The following SCML1 variants were observed in gnomAD, a reference collection of about 807,000 sequenced individuals.
SCML1 encodes Scm polycomb group protein like 1, also known as sex comb on midleg-like protein 1.
For synonymous variants in SCML1, 104 were observed against 103.6 expected (o/e 1.00, Z -0.02); for missense variants, 137 against 258.1 (o/e 0.53, Z 3.22).
chrX:17,748,277 C>T (rs1469798714), intron 4 of SCML1, among the ~76,000 whole-genome samples: 1 of 111,827 alleles, frequency 8.9e-6, no homozygotes, highest in African/African-American at 3.3e-5. Flanking sequence ...AGTCATGGCT[C>T]ACTGCAGCCA....
intron 6 of SCML1, among the ~76,000 whole-genome samples, chrX:17,751,377 A>G (rs754585093): frequency 8.0e-5 from 9 of 112,391 alleles, no homozygotes; most frequent in Non-Finnish European, 1.7e-4. Context: ...AATTTCCATT[A>G]TATTTTGCTA....
chrX:17,737,201 G>T (rs2066541690), upstream of SCML1, among the ~76,000 whole-genome samples: 1 of 108,622 alleles, frequency 9.2e-6, no homozygotes, highest in Admixed American at 9.7e-5. Context: ...AAAACCTGAG[G>T]TAAGAGGCCC....
intron 1 of SCML1, among the ~76,000 whole-genome samples, chrX:17,742,602 GGAA>G (rs943724724): frequency 1.1e-4 from 12 of 111,952 alleles, no homozygotes; most frequent in African/African-American, 3.9e-4. Context: ...CTCCTTAGTG[GGAA>G]GAAGTAGAGG....
chrX:17,744,096 G>A lies in SCML1; in HGVS notation c.-91G>A, dbSNP rs1203376987. 4 of 779,575 alleles carry A rather than the reference G, an allele frequency of 5.1e-6. No individual in the cohort carries two copies. In the Admixed American group the frequency reaches 7.3e-5, roughly 14 times the overall value. 64.2% of individuals were successfully genotyped at this position (779,575 alleles called of 1,213,427 possible). A position where few individuals can be genotyped will look rare whatever the true frequency, so the allele number is the denominator to read the frequency against. On this transcript the variant is annotated 5_prime_UTR_variant, in exon 2 of 8. Coordinates refer to ENST00000380041, the MANE Select transcript of SCML1 (RefSeq NM_001037540.3). ...GAGTAGAGGTTTACCACTCTTAGGT[G>A]ACTAAGCAGTATCACAAATAAACCC...
chrX:17,737,910 T>C (rs1251653463), intron 1 of SCML1: 1 of 112,007 alleles, frequency 8.9e-6, no homozygotes, highest in African/African-American at 3.3e-5. Context: ...TTTGACAATT[T>C]GTGAAGTGCT....
intron 6 of SCML1, among the ~76,000 whole-genome samples, chrX:17,751,539 T>G (rs1458637286): frequency 1.8e-5 from 2 of 112,296 alleles, no homozygotes; most frequent in African/African-American, 3.2e-5. Flanking sequence ...GTTTACTTAG[T>G]CTGTTTTGTG....
intron 4 of SCML1, among the ~76,000 whole-genome samples, chrX:17,747,247 C>A (rs2066650796): frequency 9.0e-6 from 1 of 111,609 alleles, no homozygotes; most frequent in Non-Finnish European, 1.9e-5. Flanking sequence ...AGGGCTGACA[C>A]CCTTGCTGCT....
chrX:17,738,531 A>G (rs753895244), intron 1 of SCML1, among the ~76,000 whole-genome samples: 2 of 112,047 alleles, frequency 1.8e-5, no homozygotes, highest in South Asian at 3.8e-4. Flanking sequence ...TTCTGGCGGC[A>G]AAGGAAGGGC....
chrX:17,748,422 T>G (rs2066665347), intron 4 of SCML1, among the ~76,000 whole-genome samples: 1 of 111,412 alleles, frequency 9.0e-6, no homozygotes, highest in South Asian at 3.8e-4. Flanking sequence ...CCTAGGCTTG[T>G]CTCCAACTCC....
chrX:17,745,411 C>T (rs939645592), intron 2 of SCML1, 45 bp from the exon 3 acceptor site: 4 of 806,496 alleles, frequency 5.0e-6, no homozygotes, highest in Non-Finnish European at 5.5e-6. Context: ...TCTTTTAGTT[C>T]TGTCTTTCAT....
intron 1 of SCML1, 121 bp from the exon 2 acceptor site, chrX:17,743,950 T>G: frequency 3.2e-6 from 1 of 316,882 alleles, no homozygotes; most frequent in Non-Finnish European, 5.5e-6. Context: ...GAATTCTGGT[T>G]TTGTCACTCT....
chrX:17,750,816 C>T (rs2066701272), intron 6 of SCML1, among the ~76,000 whole-genome samples: 1 of 112,665 alleles, frequency 8.9e-6, no homozygotes, highest in Non-Finnish European at 1.9e-5. Context: ...TTGGCTAATT[C>T]ACACACACAA....
rs199580482 is a variant in SCML1 at position 17,752,010 on chromosome X, A to G, written c.855+44A>G. Reference sequence around the variant, plus strand: ...CTGTTTTCCTGCTGTAATGCCTTTGAATGACCTCTGTGCAGGTCTTTCAGT... The same window carrying G: ...CTGTTTTCCTGCTGTAATGCCTTTGGATGACCTCTGTGCAGGTCTTTCAGT... On this transcript the variant is annotated intron_variant, in intron 7 of 7. Coordinates refer to ENST00000380041, the MANE Select transcript of SCML1 (RefSeq NM_001037540.3). The G allele has an allele frequency of 5.8e-5, 67 of 1,162,153 alleles. No homozygotes were observed. The Middle Eastern group carries it at 1.2e-3, about 21-fold the overall frequency.
rs1235162382 is a variant in SCML1, at chrX:17,737,572, C to T, written c.-225C>T. The T allele has an allele frequency of 9.0e-6, 1 of 110,558 alleles. No individual in the cohort carries two copies. The highest frequency in any genetic ancestry group is 1.9e-5 in the Non-Finnish European group (1 of 52,739). 9.1% of individuals were successfully genotyped at this position (110,558 alleles called of 1,213,427 possible). A position where few individuals can be genotyped will look rare whatever the true frequency, so the allele number is the denominator to read the frequency against. ...CGGTGCCAGGACCTTTCCGAAGCGT[C>T]GAGTGGCCTAACGGTCACAGCTGTC... On this transcript the variant is annotated 5_prime_UTR_variant, in exon 1 of 8. Transcript: ENST00000380041.
At chrX:17,738,871 G>A (rs1052535404) in intron 1 of SCML1, among the ~76,000 whole-genome samples, 1 of 112,383 alleles carries the variant, frequency 8.9e-6, no homozygotes. Flanking sequence ...AGATTTGAAA[G>A]TGAAATTAAT....
intron 1 of SCML1, among the ~76,000 whole-genome samples, chrX:17,741,841 T>C (rs1387140740): frequency 1.8e-5 from 2 of 111,643 alleles, no homozygotes; most frequent in East Asian, 5.6e-4. Flanking sequence ...CGTTCTTTGC[T>C]TCAGTTTCCT....
chrX:17,751,331 A>G (rs929805001), intron 6 of SCML1, among the ~76,000 whole-genome samples: 1 of 112,454 alleles, frequency 8.9e-6, no homozygotes, highest in African/African-American at 3.2e-5. Context: ...ATTAAAAGGA[A>G]CAAATTTAAG....
At chrX:17,740,316 G>GA (rs755447032) in intron 1 of SCML1, among the ~76,000 whole-genome samples, 86 of 111,871 alleles carry the variant, frequency 7.7e-4, no homozygotes, top group African/African-American at 2.6e-3. Flanking sequence ...CAATGTGAAT[G>GA]AAAATGACGT....
At chrX:17,746,164 C>G in intron 4 of SCML1, 66 bp downstream of exon 4, 1 of 602,212 alleles carries the variant, frequency 1.7e-6, no homozygotes, top group Non-Finnish European at 2.6e-6. Context: ...CTTTATCTCA[C>G]ATAAAGGGAA....
Sources: gnomAD v4.1 joint callset for allele counts (sites outside exome capture counted in the v4.1 genomes callset) on GRCh38, gnomAD v4.1.1 for gene constraint, MANE v1.5 for transcripts, NCBI Gene and HGNC (gene_info 2026-07-23, HGNC 2026-07-21) for gene names.